KDM5B: variants seen among roughly 807,000 people sequenced by gnomAD.
KDM5B encodes the protein lysine demethylase 5B, also known as lysine-specific demethylase 5B.
Under a neutral mutation model 193.4 loss-of-function variants are expected in KDM5B, and 144 were observed. The observed-to-expected ratio is 0.74, with a 90% CI of 0.65 to 0.86. The LOEUF (loss-of-function observed/expected upper bound fraction) is 0.86. Ranked by LOEUF, KDM5B falls within the 40% of genes least tolerant of loss-of-function variation. The probability of loss-of-function intolerance (pLI) is 0.00; values close to 1 mark genes in which losing one functional copy is unlikely to be tolerated. For missense variants in KDM5B, 1,833 were observed against 1,886.9 expected, an observed-to-expected ratio of 0.97 and a Z score of 0.53; for synonymous variants, 668 against 682.6, an observed-to-expected ratio of 0.98 and a Z score of 0.33.
chr1:202,805,676 A>AT (rs1658261713), intron 1 of KDM5B, among the ~76,000 whole-genome samples: 6 of 152,196 alleles, frequency 3.9e-5, no homozygotes, highest in Admixed American at 3.3e-4. Context: ...TTGTTGCTAT[A>AT]TATCAACTAT....
At chr1:202,789,567 G>A (rs11590468) in intron 1 of KDM5B, among the ~76,000 whole-genome samples, 70,586 of 118,324 alleles carry the variant, frequency 0.6, 24,345 homozygotes, top group Middle Eastern at 0.77. Flanking sequence ...AAGGAAAGGA[G>A]AAAGGAAAAG....
At chr1:202,766,597 C>T (rs1485341889) in intron 5 of KDM5B, 1 of 434,918 alleles carries the variant, frequency 2.3e-6, no homozygotes. Context: ...GTTTTCTAGC[C>T]TTAATCTCCA....
intron 20 of KDM5B, among the ~76,000 whole-genome samples, chr1:202,737,755 A>G (rs1365362889): frequency 6.6e-6 from 1 of 152,222 alleles, no homozygotes; most frequent in African/African-American, 2.4e-5. Context: ...CAGTGACATG[A>G]GAAAAAGTGG....
At chr1:202,752,057 C>A (rs1655811605) in intron 12 of KDM5B, among the ~76,000 whole-genome samples, 1 of 152,152 alleles carries the variant, frequency 6.6e-6, no homozygotes, top group Non-Finnish European at 1.5e-5. Context: ...AAAGCATAAA[C>A]TTTAGGTCAC....
intron 13 of KDM5B, 36 bp from the exon 14 acceptor site, chr1:202,749,175 A>G: frequency 6.4e-7 from 1 of 1,565,530 alleles, no homozygotes; most frequent in South Asian, 1.2e-5. Context: ...AATAACATTC[A>G]TCTTTCTTCT....
At chr1:202,780,063 T>A (rs1288983285) in intron 1 of KDM5B, among the ~76,000 whole-genome samples, 8 of 152,068 alleles carry the variant, frequency 5.3e-5, no homozygotes, top group African/African-American at 1.7e-4. Context: ...AAATGGCCAA[T>A]CATAAGACTG....
intron 9 of KDM5B, among the ~76,000 whole-genome samples, 187 bp downstream of exon 9, chr1:202,758,204 T>TA (rs1474041527): frequency 6.6e-6 from 1 of 152,206 alleles, no homozygotes; most frequent in East Asian, 1.9e-4. Flanking sequence ...AATTCTAAAA[T>TA]AAAAAATTAG....
intron 1 of KDM5B, among the ~76,000 whole-genome samples, chr1:202,789,993 T>C (rs913608943): frequency 2.0e-5 from 3 of 149,042 alleles, no homozygotes; most frequent in Non-Finnish European, 4.5e-5. Flanking sequence ...GAGGCCGAGG[T>C]GGGCAGATCA....
chr1:202,787,404 A>T (rs1436721214), intron 1 of KDM5B, among the ~76,000 whole-genome samples: 1 of 152,236 alleles, frequency 6.6e-6, no homozygotes, highest in Non-Finnish European at 1.5e-5. Context: ...ATGTTAATTT[A>T]CATGGATTGT....
chr1:202,764,163 A>G lies in KDM5B; in HGVS notation c.712-18T>C, dbSNP rs775346422. On this transcript the variant is annotated intron_variant, in intron 5 of 26. Coordinates refer to ENST00000367265, the MANE Select transcript of KDM5B (RefSeq NM_006618.5). Reference sequence around the variant, plus strand: ...TTCATGGCCTTAAAAAAATTGTCATATACATGAATATTTCCTTTAAGAAGA... The same window carrying G: ...TTCATGGCCTTAAAAAAATTGTCATGTACATGAATATTTCCTTTAAGAAGA... 4.1e-6 allele frequency: 5 copies of G among 1,209,346 alleles called. No individual in the cohort carries two copies. In the East Asian group the frequency reaches 7.5e-5, roughly 18 times the overall value. The allele number at this position is 1,209,346 out of a possible 1,614,324, so 74.9% of individuals were successfully genotyped here. A position where few individuals can be genotyped will look rare whatever the true frequency, so the allele number is the denominator to read the frequency against.
chr1:202,767,074 C>G lies in KDM5B; in HGVS notation c.577-14G>C. ...CTTCTGCAAACACTAGAAATAACAA[C>G]TGTACTGATAAATTCCCTCCTTTTT... On this transcript the variant is annotated splice_polypyrimidine_tract_variant and intron_variant, in intron 4 of 26. Coordinates refer to ENST00000367265, the MANE Select transcript of KDM5B (RefSeq NM_006618.5). 6.2e-7 allele frequency: 1 copy of G among 1,608,034 alleles called. No individual in the cohort carries two copies. The highest frequency in any genetic ancestry group is 2.2e-5 in the East Asian group (1 of 44,844).
At chr1:202,794,959 T>C (rs1657780174) in intron 1 of KDM5B, among the ~76,000 whole-genome samples, 1 of 152,164 alleles carries the variant, frequency 6.6e-6, no homozygotes, top group African/African-American at 2.4e-5. Context: ...ACACCTGTAA[T>C]CCCAGAACTT....
chr1:202,753,664 G>GTTGTTTTTTTTTTTTTTT (rs1553354252), intron 11 of KDM5B, among the ~76,000 whole-genome samples: 1 of 105,786 alleles, frequency 9.5e-6, no homozygotes. Flanking sequence ...TGTTGTTGTT[G>GTTGTTTTTTTTTTTTTTT]TTTTTTTTTT....
At chr1:202,767,241 C>T (rs1460023232) in intron 4 of KDM5B, 181 bp from the exon 5 acceptor site, 1 of 1,584,682 alleles carries the variant, frequency 6.3e-7, no homozygotes, top group East Asian at 2.2e-5. Flanking sequence ...ATGTTTTAAG[C>T]AGTTGGTGTC....
intron 1 of KDM5B, among the ~76,000 whole-genome samples, chr1:202,778,292 T>C (rs1657046868): frequency 1.3e-5 from 2 of 152,084 alleles, no homozygotes; most frequent in Non-Finnish European, 2.9e-5. Flanking sequence ...CAATTAAATA[T>C]ATATATATAC....
At chr1:202,752,021 T>C (rs530250546) in intron 12 of KDM5B, among the ~76,000 whole-genome samples, 1 of 152,312 alleles carries the variant, frequency 6.6e-6, no homozygotes, top group East Asian at 1.9e-4. Flanking sequence ...CTTTCTGTTG[T>C]CTCCATTGAC....
chr1:202,729,381 C>T, intron 26 of KDM5B: 4 of 635,330 alleles, frequency 6.3e-6, no homozygotes, highest in Non-Finnish European at 1.1e-5. Context: ...GTCGTGTCTG[C>T]TTTGGGGTTA....
At chr1:202,764,205 C>T in intron 5 of KDM5B, 60 bp from the exon 6 acceptor site, 1 of 921,350 alleles carries the variant, frequency 1.1e-6, no homozygotes, top group Non-Finnish European at 1.6e-6. Flanking sequence ...CTTTAAAAAT[C>T]CAACTGGAAT....
chr1:202,786,001 T>TTGTTTG lies in KDM5B; in HGVS notation c.205-8913_205-8908dup, dbSNP rs1307951076. On this transcript the variant is annotated intron_variant, in intron 1 of 26. Coordinates refer to ENST00000367265, the MANE Select transcript of KDM5B (RefSeq NM_006618.5). ...AAGTGGCCTAATGCAGGCTTGTTTT[T>TTGTTTG]TGTTTGTTTTTGTTTCTGTTTTTTA... Among the ~76,000 whole-genome samples, 3 of 152,026 alleles carry TTGTTTG rather than the reference T, an allele frequency of 2.0e-5. No individual in the cohort carries two copies. The East Asian group carries it at 5.8e-4, about 29-fold the overall frequency.
Sources: allele counts gnomAD v4.1 joint callset (sites outside exome capture counted in the v4.1 genomes callset), GRCh38; gene constraint gnomAD v4.1.1; transcripts MANE v1.5; gene names NCBI Gene and HGNC (gene_info 2026-07-23, HGNC 2026-07-21).